The following TTBK2 variants were observed in gnomAD, a reference collection of about 807,000 sequenced individuals.
TTBK2 encodes tau tubulin kinase 2.
Under a neutral mutation model 110.8 loss-of-function variants are expected in TTBK2, and 28 were observed. That is an observed-to-expected ratio of 0.25 (90% CI 0.19 to 0.35). The LOEUF is 0.35. Ranked by LOEUF, TTBK2 falls within the 10% of genes least tolerant of loss-of-function variation. The pLI, the probability that TTBK2 is intolerant of heterozygous loss-of-function variation, is 1.00. For synonymous variants in TTBK2, 532 were observed against 527.3 expected (o/e 1.01, Z -0.12); for missense variants, 1,369 against 1,500.3 (o/e 0.91, Z 1.45).
At chr15:42,758,935 A>G (rs552521808) in intron 13 of TTBK2, among the ~76,000 whole-genome samples, 136 of 152,320 alleles carry the variant, frequency 8.9e-4, no homozygotes, top group African/African-American at 3.2e-3. Context: ...TTAGGAGAAC[A>G]AGGTAAGCAT....
chr15:42,833,277 G>C lies in TTBK2; in HGVS notation c.292-3199C>G, dbSNP rs564100311. On this transcript the variant is annotated intron_variant, in intron 4 of 14. Coordinates refer to ENST00000267890, the MANE Select transcript of TTBK2 (RefSeq NM_173500.4). ...AAAAAAAAAAAAAAAAAAGGAAGAG[G>C]ACTATATATAGTAATGTGGAATGAA... Among the ~76,000 whole-genome samples the C allele has an allele frequency of 3.5e-5, 5 of 143,936 alleles. No homozygotes were observed. In the South Asian group the frequency reaches 1.1e-3, roughly 31 times the overall value. 94.4% of individuals were successfully genotyped at this position (143,936 alleles called of 152,430 possible).
chr15:42,800,971 G>A (rs370914431), intron 9 of TTBK2: 6 of 753,352 alleles, frequency 8.0e-6, no homozygotes, highest in Non-Finnish European at 1.5e-5. Flanking sequence ...CTTCACTTGG[G>A]CAGGACGTTG....
intron 4 of TTBK2, among the ~76,000 whole-genome samples, chr15:42,838,569 G>A (rs750656626): frequency 6.6e-6 from 1 of 151,964 alleles, no homozygotes; most frequent in Non-Finnish European, 1.5e-5. Context: ...TAATCCTAAC[G>A]CTTTGGGAAG....
chr15:42,881,766 G>A (rs1895058737), intron 1 of TTBK2, among the ~76,000 whole-genome samples: 1 of 151,982 alleles, frequency 6.6e-6, no homozygotes, highest in Non-Finnish European at 1.5e-5. Flanking sequence ...AGCTACTCGG[G>A]AAGCTGAGGC....
intron 1 of TTBK2, among the ~76,000 whole-genome samples, chr15:42,893,891 C>T (rs1447746899): frequency 6.6e-6 from 1 of 152,172 alleles, no homozygotes; most frequent in Non-Finnish European, 1.5e-5. Context: ...AAACTACAAA[C>T]TACCACAATT....
At chr15:42,765,471 G>T (rs573338049) in intron 13 of TTBK2, among the ~76,000 whole-genome samples, 2 of 152,310 alleles carry the variant, frequency 1.3e-5, no homozygotes, top group South Asian at 4.1e-4. Flanking sequence ...CATGATGCAT[G>T]CACAAGCTTC....
At chr15:42,831,858 TTATAA>T (rs1384873242) in intron 4 of TTBK2, among the ~76,000 whole-genome samples, 5 of 152,212 alleles carry the variant, frequency 3.3e-5, no homozygotes, top group Non-Finnish European at 7.3e-5. Context: ...TCCCACAATT[TTATAA>T]TATATCTTTA....
intron 1 of TTBK2, among the ~76,000 whole-genome samples, chr15:42,895,319 C>T (rs1895622746): frequency 6.6e-6 from 1 of 152,030 alleles, no homozygotes; most frequent in Non-Finnish European, 1.5e-5. Context: ...AATATAAACA[C>T]ATGAAACAGA....
At chr15:42,851,852 G>A (rs1893728736) in intron 3 of TTBK2, among the ~76,000 whole-genome samples, 1 of 152,058 alleles carries the variant, frequency 6.6e-6, no homozygotes, top group Non-Finnish European at 1.5e-5. Flanking sequence ...ATTCTGTTGT[G>A]TTGATTTTCA....
chr15:42,853,699 A>G (rs1425864095), intron 3 of TTBK2, among the ~76,000 whole-genome samples: 2 of 152,100 alleles, frequency 1.3e-5, no homozygotes, highest in African/African-American at 2.4e-5. Flanking sequence ...AATATAACCA[A>G]CATCGTCAGA....
chr15:42,861,533 C>T (rs939469515), intron 3 of TTBK2, among the ~76,000 whole-genome samples: 4 of 151,956 alleles, frequency 2.6e-5, no homozygotes, highest in African/African-American at 9.7e-5. Context: ...ATAAAAAAAT[C>T]ATTGAAATTA....
At chr15:42,896,172 T>C (rs1895659139) in intron 1 of TTBK2, among the ~76,000 whole-genome samples, 1 of 151,524 alleles carries the variant, frequency 6.6e-6, no homozygotes, top group Non-Finnish European at 1.5e-5. Flanking sequence ...CTACTAAAAA[T>C]ACAAAATTAG....
chr15:42,909,181 C>G (rs2030598149), intron 1 of TTBK2, among the ~76,000 whole-genome samples: 1 of 152,180 alleles, frequency 6.6e-6, no homozygotes, highest in Non-Finnish European at 1.5e-5. Flanking sequence ...GGCTGGAGCG[C>G]AGTAGCTAGC....
At chr15:42,851,919 A>G (rs190275701) in intron 3 of TTBK2, among the ~76,000 whole-genome samples, 16 of 152,262 alleles carry the variant, frequency 1.1e-4, no homozygotes, top group African/African-American at 3.9e-4. Context: ...AAATGGAGGA[A>G]GGGTTTATGC....
At chr15:42,787,612 GA>G (rs909869187) in intron 10 of TTBK2, among the ~76,000 whole-genome samples, 1 of 152,116 alleles carries the variant, frequency 6.6e-6, no homozygotes, top group Non-Finnish European at 1.5e-5. Context: ...CTTTATAGTA[GA>G]AAGAACTGGC....
In TTBK2 at chr15:42,789,303, GTA is replaced by G. The variant is rs3036915; in HGVS notation, c.980+5339_980+5340del. On this transcript the variant is annotated intron_variant, in intron 10 of 14. Transcript: ENST00000267890. ...TTAAAATATATATACGTGTGTGTGT[GTA>G]TATATATATATATGTTTTTTGTTCA... is the stretch of plus-strand genomic sequence containing the variant. Among the ~76,000 whole-genome samples the G allele has an allele frequency of 1.7e-3, 260 of 149,826 alleles. 1 individual carries two copies. The highest frequency in any genetic ancestry group is 5.2e-3 in the African/African-American group (214 of 41,002).
At chr15:42,831,418 CTAT>C (rs962757603) in intron 4 of TTBK2, among the ~76,000 whole-genome samples, 2 of 152,044 alleles carry the variant, frequency 1.3e-5, no homozygotes, top group African/African-American at 4.8e-5. Context: ...CATATGCTAA[CTAT>C]TGTTATTATG....
In TTBK2 at chr15:42,739,437, C is replaced by T. The variant is rs1429252535; in HGVS notation, c.*6358G>A. 1 of 152,200 alleles carries T rather than the reference C, an allele frequency of 6.6e-6. No individual in the cohort carries two copies. The highest frequency in any genetic ancestry group is 1.9e-4 in the East Asian group (1 of 5,204). 9.4% of individuals were successfully genotyped at this position (152,200 alleles called of 1,614,324 possible). A position where few individuals can be genotyped will look rare whatever the true frequency, so the allele number is the denominator to read the frequency against. ...TATCTAATTCAAAACTAGATGCTCC[C>T]CCCTCCCTCTTTTTTCCCTAAAAGC... On this transcript the variant is annotated 3_prime_UTR_variant, in exon 15 of 15. Transcript: ENST00000267890.
At chr15:42,763,101 T>C (rs7166632) in intron 13 of TTBK2, among the ~76,000 whole-genome samples, 28,722 of 108,976 alleles carry the variant, frequency 0.26, 4,941 homozygotes, top group African/African-American at 0.5. Context: ...TATATATATA[T>C]ACGTATATAT....
Sources: gnomAD v4.1 joint callset for allele counts (sites outside exome capture counted in the v4.1 genomes callset) on GRCh38, gnomAD v4.1.1 for gene constraint, MANE v1.5 for transcripts, NCBI Gene and HGNC (gene_info 2026-07-23, HGNC 2026-07-21) for gene names.